MTG1: variants seen among roughly 807,000 people sequenced by gnomAD.
MTG1 encodes mitochondrial ribosome-associated GTPase 1.
A neutral mutation model predicts 39.5 loss-of-function variants in MTG1; 30 were observed. The observed-to-expected ratio is 0.76, with a 90% CI of 0.57 to 1.03. The LOEUF (loss-of-function observed/expected upper bound fraction) is 1.03, where lower values mean the gene tolerates loss of function less well. MTG1 is among the 50% of genes least tolerant of loss of function. The pLI, the probability that MTG1 is intolerant of heterozygous loss-of-function variation, is 0.00. For synonymous variants in MTG1, 217 were observed against 179.0 expected (o/e 1.21, Z -1.69); for missense variants, 513 against 447.4 (o/e 1.15, Z -1.32).
intron 9 of MTG1, among the ~76,000 whole-genome samples, chr10:133,403,334 A>G (rs1158310252): frequency 2.2e-5 from 2 of 91,630 alleles, no homozygotes; most frequent in Non-Finnish European, 4.7e-5. Context: ...TCGTGAAATC[A>G]AGGAAATGAG....
intron 9 of MTG1, among the ~76,000 whole-genome samples, chr10:133,408,596 G>GT (rs1185812047): frequency 6.6e-6 from 1 of 152,104 alleles, no homozygotes; most frequent in Non-Finnish European, 1.5e-5. Context: ...CCCCCCTTCA[G>GT]TTTTTTTGAA....
At chr10:133,401,483 C>T in intron 6 of MTG1, 46 bp from the exon 7 acceptor site, 2 of 1,489,290 alleles carry the variant, frequency 1.3e-6, no homozygotes, top group East Asian at 2.3e-5. Context: ...TCTGCAGCTT[C>T]TGTGTTTAGT....
chr10:133,403,899 G>C, intron 9 of MTG1, among the ~76,000 whole-genome samples: 1 of 152,134 alleles, frequency 6.6e-6, no homozygotes, highest in Non-Finnish European at 1.5e-5. Context: ...GGCAAGCAGG[G>C]AATGAGTCCT....
intron 9 of MTG1, among the ~76,000 whole-genome samples, chr10:133,413,621 AC>A (rs1173012914): frequency 6.6e-6 from 1 of 151,970 alleles, no homozygotes; most frequent in Admixed American, 6.6e-5. Context: ...AAACGATTCT[AC>A]TGTATCTTCT....
At chr10:133,417,030 A>C (rs1850142601) in intron 9 of MTG1, among the ~76,000 whole-genome samples, 1 of 150,600 alleles carries the variant, frequency 6.6e-6, no homozygotes, top group Non-Finnish European at 1.5e-5. Flanking sequence ...ACAGTGTAAA[A>C]GTGTTCCTAT....
intron 1 of MTG1, 81 bp downstream of exon 1, chr10:133,394,413 G>A: frequency 7.4e-7 from 1 of 1,347,028 alleles, no homozygotes; most frequent in Non-Finnish European, 9.6e-7. Flanking sequence ...TTCGGCCGTC[G>A]CCTGCTTCTC....
intron 10 of MTG1, 121 bp from the exon 11 acceptor site, chr10:133,419,905 C>T (rs1394603011): frequency 4.3e-5 from 53 of 1,229,292 alleles, no homozygotes; most frequent in Middle Eastern, 2.0e-4. Flanking sequence ...AGTGTGATCC[C>T]GTTCCCTGGG....
chr10:133,420,173 C>T lies in MTG1; in HGVS notation c.*8C>T, dbSNP rs780724376. On this transcript the variant is annotated 3_prime_UTR_variant, in exon 11 of 11. Coordinates refer to ENST00000317502, the MANE Select transcript of MTG1 (RefSeq NM_138384.4). ...GCTGAGACTTTGCCCTGAACTTGTCCGGGTAGGGAGGGCCGGAGGCATGTG... is the reference window on the plus strand; with the variant it reads ...GCTGAGACTTTGCCCTGAACTTGTCTGGGTAGGGAGGGCCGGAGGCATGTG... 3.1e-5 allele frequency: 49 copies of T among 1,603,636 alleles called. No homozygotes were observed. The highest frequency in any genetic ancestry group is 2.4e-4 in the South Asian group (22 of 89,976).
At chr10:133,418,923 G>A (rs1449814091) in intron 9 of MTG1, among the ~76,000 whole-genome samples, 1 of 152,224 alleles carries the variant, frequency 6.6e-6, no homozygotes, top group Non-Finnish European at 1.5e-5. Context: ...CAATCACTGG[G>A]TGACGCTTAG....
At position 133,399,178 on chromosome 10, in the gene MTG1, G is replaced by A. The variant is rs923593001; in HGVS notation, c.372G>A (p.Pro124=). The A allele has an allele frequency of 5.0e-6, 8 of 1,614,154 alleles. No homozygotes were observed. Among genetic ancestry groups the A allele is most frequent in the South Asian group, 1.1e-5 (1 of 91,080 alleles). ...VKDENVKQII[P]MVTELIGRSH... is the part of the protein sequence containing the mutation. ...GTGGGTGTTTGTTGCAGATCATCCC[G>A]ATGGTCACTGAACTGATTGGGAGAA... The change falls in exon 5 of 11, where the codon CCG becomes CCA. Residue 124 remains proline, a synonymous_variant. Transcript: ENST00000317502.
intron 9 of MTG1, among the ~76,000 whole-genome samples, chr10:133,409,281 ATTTC>A (rs1403788246): frequency 6.6e-6 from 1 of 151,852 alleles, no homozygotes. Flanking sequence ...TTTCTTATTA[ATTTC>A]TTTATTAACC....
At position 133,411,959 on chromosome 10, in the gene MTG1, TTGTC is replaced by T. The variant is rs1564822251; in HGVS notation, c.753-7517_753-7514del. 2.0e-5 allele frequency among the ~76,000 whole-genome samples: 3 copies of T among 152,288 alleles called. No homozygotes were observed. The South Asian group carries it at 6.2e-4, about 32-fold the overall frequency. ...TAGGGTTGGCCACTGGCTCTTTGCT[TTGTC>T]TGTTTGAGAAGGTCGCGGTTTTCCG... On this transcript the variant is annotated intron_variant, in intron 9 of 10. Coordinates refer to ENST00000317502, the MANE Select transcript of MTG1 (RefSeq NM_138384.4).
chr10:133,405,148 C>T (rs546016504), intron 9 of MTG1, among the ~76,000 whole-genome samples: 11 of 152,234 alleles, frequency 7.2e-5, no homozygotes, highest in African/African-American at 1.2e-4. Flanking sequence ...GTCTCTGACC[C>T]GTGAATATAG....
chr10:133,397,268 GGA>G (rs1355873609), intron 3 of MTG1, among the ~76,000 whole-genome samples: 1 of 152,028 alleles, frequency 6.6e-6, no homozygotes, highest in African/African-American at 2.4e-5. Context: ...TGCCAGGCAG[GGA>G]AGGGCCCCTT....
At chr10:133,408,442 T>C (rs1850000029) in intron 9 of MTG1, among the ~76,000 whole-genome samples, 2 of 152,376 alleles carry the variant, frequency 1.3e-5, no homozygotes, top group Admixed American at 6.5e-5. Context: ...TAACATGTTG[T>C]TGAATTTGGG....
intron 9 of MTG1, among the ~76,000 whole-genome samples, chr10:133,409,072 C>T (rs1850008698): frequency 6.6e-6 from 1 of 150,978 alleles, no homozygotes; most frequent in South Asian, 2.1e-4. Context: ...TATTTCTCTT[C>T]TTCTACTAAT....
chr10:133,419,095 C>T (rs1010234029), intron 9 of MTG1, among the ~76,000 whole-genome samples: 1 of 152,242 alleles, frequency 6.6e-6, no homozygotes, highest in Admixed American at 6.5e-5. Context: ...GTCTGCTGTG[C>T]TCCTCTTTTA....
rs1183403376 is a variant in MTG1, at chr10:133,420,076, C to G, written c.916C>G (p.Leu306Val). ...CTATCCTGCGGCAGCCCGTGACTTC[C>G]TGCAGACTTTCCGCCGTGGGCTGCT... is the stretch of plus-strand genomic sequence containing the variant. The part of the protein sequence containing the change: ...PNYPAAARDF[L>V]QTFRRGLLGS... Residue 306 changes from leucine to valine, a missense_variant, in exon 11 of 11, where the codon CTG becomes GTG. Transcript: ENST00000317502. The G allele has an allele frequency of 1.2e-6, 2 of 1,613,660 alleles. No individual in the cohort carries two copies. Among genetic ancestry groups the G allele is most frequent in the Non-Finnish European group, 1.7e-6 (2 of 1,179,826 alleles).
At chr10:133,400,635 T>C (rs1445458470) in intron 6 of MTG1, among the ~76,000 whole-genome samples, 1 of 152,262 alleles carries the variant, frequency 6.6e-6, no homozygotes, top group African/African-American at 2.4e-5. Context: ...TTTAAGTTTA[T>C]TTTTAAGCGT....
Sources: gnomAD v4.1 joint callset for allele counts (sites outside exome capture counted in the v4.1 genomes callset) on GRCh38, gnomAD v4.1.1 for gene constraint, MANE v1.5 for transcripts, NCBI Gene and HGNC (gene_info 2026-07-23, HGNC 2026-07-21) for gene names.